The following MRC1 variants were observed in gnomAD, a reference collection of about 807,000 sequenced individuals.
The protein encoded by MRC1 is macrophage mannose receptor 1.
In MRC1, 62 loss-of-function variants were observed where a neutral mutation model predicts 102.9. That is an observed-to-expected ratio of 0.60 (90% confidence interval 0.49 to 0.74). The LOEUF (loss-of-function observed/expected upper bound fraction) is 0.74. Among genes scored for constraint, MRC1 ranks in the 30% least tolerant of loss-of-function variants. The pLI is 0.00. For missense variants in MRC1, 1,237 were observed against 862.8 expected (o/e 1.43, Z -5.43); for synonymous variants, 457 against 298.4 (o/e 1.53, Z -5.48).
At chr10:17,891,285 T>C (rs1012350611) in intron 22 of MRC1, among the ~76,000 whole-genome samples, 1 of 151,484 alleles carries the variant, frequency 6.6e-6, no homozygotes, top group South Asian at 2.1e-4. Context: ...TCCTGCCTCA[T>C]CCTCCCGAGT....
intron 3 of MRC1, among the ~76,000 whole-genome samples, 177 bp downstream of exon 3, chr10:17,827,892 T>A (rs1165918974): frequency 6.6e-6 from 1 of 152,106 alleles, no homozygotes; most frequent in Non-Finnish European, 1.5e-5. Context: ...GAGAAAATGA[T>A]CTATATTGGC....
chr10:17,864,719 C>T (rs1263573342), intron 11 of MRC1, among the ~76,000 whole-genome samples: 3 of 150,668 alleles, frequency 2.0e-5, no homozygotes, highest in Non-Finnish European at 4.4e-5. Flanking sequence ...ATCCCAGCTA[C>T]TTGGGAGGCT....
Position 17,827,725 on chromosome 10 carries a change from G to T in MRC1, c.637+10G>T. 1 of 780,640 alleles carries T rather than the reference G, an allele frequency of 1.3e-6. No individual in the cohort carries two copies. The highest frequency in any genetic ancestry group is 2.4e-6 in the Non-Finnish European group (1 of 417,770). 48.4% of individuals were successfully genotyped at this position (780,640 alleles called of 1,614,324 possible). ...TATTGTCCATTGAAATGTAAGTACT[G>T]TTTATCACCAAGAAAAGTTGGGCAC... On this transcript the variant is annotated intron_variant, in intron 3 of 29. Transcript: ENST00000569591.
chr10:17,822,010 G>A (rs1554838300), intron 1 of MRC1, among the ~76,000 whole-genome samples: 2 of 151,952 alleles, frequency 1.3e-5, no homozygotes, highest in African/African-American at 4.8e-5. Context: ...AGAAAAAAGA[G>A]AAAGCTTTAC....
At position 17,853,055 on chromosome 10, in the gene MRC1, C is replaced by A; in HGVS notation, c.1338C>A (p.Thr446=). 3 of 780,708 alleles carry A rather than the reference C, an allele frequency of 3.8e-6. No homozygotes were observed. The South Asian group carries it at 4.0e-5, about 10-fold the overall frequency. 48.4% of individuals were successfully genotyped at this position (780,708 alleles called of 1,614,324 possible). ...EWSDGTPVTF[T]KWLRGEPSHE... ...GTGATGGGACCCCTGTAACGTTTAC[C>A]AAATGGCTTCGTGGAGAACCAAGCC... The change falls in exon 8 of 30, where the codon ACC becomes ACA. Residue 446 remains threonine (T), a synonymous_variant. Coordinates refer to ENST00000569591, the MANE Select transcript of MRC1 (RefSeq NM_002438.4).
intron 21 of MRC1, 98 bp downstream of exon 21, chr10:17,881,279 C>G: frequency 1.4e-6 from 1 of 730,506 alleles, no homozygotes; most frequent in Non-Finnish European, 2.5e-6. Context: ...TTTTGGTTTT[C>G]CAGTGTAAAA....
chr10:17,865,555 T>C (rs1554841434), intron 11 of MRC1: 1 of 152,404 alleles, frequency 6.6e-6, no homozygotes, highest in South Asian at 2.1e-4. Flanking sequence ...TGGTATATCC[T>C]TGATGGAAGG....
chr10:17,895,599 T>C (rs1431981476), intron 23 of MRC1, among the ~76,000 whole-genome samples: 1 of 152,208 alleles, frequency 6.6e-6, no homozygotes, highest in Non-Finnish European at 1.5e-5. Context: ...TCTTTTTTCA[T>C]CTTAGGAAGC....
chr10:17,874,664 A>C lies in MRC1; in HGVS notation c.2387-426A>C, dbSNP rs1048429495. Among the ~76,000 whole-genome samples the C allele has an allele frequency of 7.1e-3, 1,075 of 151,664 alleles. 6 individuals carry two copies. Among genetic ancestry groups the C allele is most frequent in the Non-Finnish European group, 0.011 (766 of 67,942 alleles). ...ACGTGAATTCCTTGCTTCTACCCTGAAGCACCCAAGTGCATCTATTCGAAG... is the reference window on the plus strand; with the variant it reads ...ACGTGAATTCCTTGCTTCTACCCTGCAGCACCCAAGTGCATCTATTCGAAG... On this transcript the variant is annotated intron_variant, in intron 16 of 29. Coordinates refer to ENST00000569591, the MANE Select transcript of MRC1 (RefSeq NM_002438.4).
chr10:17,910,360 C>T lies in MRC1; in HGVS notation c.4266C>T (p.Gly1422=), dbSNP rs1258371791. The T allele has an allele frequency of 7.7e-6, 6 of 780,576 alleles. No homozygotes were observed. The highest frequency in any genetic ancestry group is 2.7e-5 in the South Asian group (2 of 74,612). The allele number at this position is 780,576 out of a possible 1,614,324, so 48.4% of individuals were successfully genotyped here. A position where few individuals can be genotyped will look rare whatever the true frequency, so the allele number is the denominator to read the frequency against. The change falls in exon 30 of 30, where the codon GGC becomes GGT. Residue 1422 remains glycine, a synonymous_variant. Coordinates refer to ENST00000569591, the MANE Select transcript of MRC1 (RefSeq NM_002438.4). ...KKRRVHLPQE[G]AFENTLYFNS... is the part of the protein sequence containing the mutation. ...GACGTGTGCACCTACCTCAAGAGGG[C>T]GCCTTTGAAAACACTCTGTATTTTA...
intron 5 of MRC1, among the ~76,000 whole-genome samples, chr10:17,841,023 A>T (rs985431965): frequency 1.1e-4 from 17 of 152,228 alleles, no homozygotes; most frequent in African/African-American, 3.9e-4. Flanking sequence ...GTCTGCCAGG[A>T]TTCTCACACA....
chr10:17,815,153 C>T (rs1485214468), intron 1 of MRC1, among the ~76,000 whole-genome samples: 6 of 152,126 alleles, frequency 3.9e-5, no homozygotes, highest in Non-Finnish European at 7.3e-5. Context: ...TTCATTCTCA[C>T]GACAATGAGG....
At chr10:17,819,911 C>G (rs1212782069) in intron 1 of MRC1, among the ~76,000 whole-genome samples, 2 of 152,178 alleles carry the variant, frequency 1.3e-5, no homozygotes, top group East Asian at 1.9e-4. Flanking sequence ...CACTACTGCA[C>G]TCCAGCTTGG....
At chr10:17,874,262 C>T (rs1293397155) in intron 16 of MRC1, among the ~76,000 whole-genome samples, 1 of 152,146 alleles carries the variant, frequency 6.6e-6, no homozygotes, top group Non-Finnish European at 1.5e-5. Context: ...ATTCTCTTTC[C>T]TTGCCTTTTC....
chr10:17,882,758 A>G (rs1224246610), intron 21 of MRC1, among the ~76,000 whole-genome samples: 1 of 152,064 alleles, frequency 6.6e-6, no homozygotes, highest in African/African-American at 2.4e-5. Context: ...AAAAGGGTCA[A>G]ACCAAAGCAC....
chr10:17,878,219 T>C (rs1289631520), intron 18 of MRC1, among the ~76,000 whole-genome samples: 1 of 152,240 alleles, frequency 6.6e-6, no homozygotes, highest in Non-Finnish European at 1.5e-5. Flanking sequence ...TCAGATGTCA[T>C]CATCTGTCAG....
chr10:17,825,205 A>G (rs2130595197), intron 2 of MRC1, among the ~76,000 whole-genome samples: 1 of 152,288 alleles, frequency 6.6e-6, no homozygotes, highest in African/African-American at 2.4e-5. Flanking sequence ...GGGTCTCTGT[A>G]TCTCTGATGA....
chr10:17,853,364 C>T (rs998696898), intron 8 of MRC1, among the ~76,000 whole-genome samples: 13 of 151,950 alleles, frequency 8.6e-5, no homozygotes, highest in Non-Finnish European at 1.9e-4. Context: ...GGATGAAATT[C>T]GCCTGTAATG....
chr10:17,811,369 G>C (rs1252735317), intron 1 of MRC1, among the ~76,000 whole-genome samples: 1 of 152,014 alleles, frequency 6.6e-6, no homozygotes, highest in Non-Finnish European at 1.5e-5. Context: ...AGTGTTTCTC[G>C]GTTTGCTCAG....
Sources: gnomAD v4.1 joint callset for allele counts (sites outside exome capture counted in the v4.1 genomes callset) on GRCh38, gnomAD v4.1.1 for gene constraint, MANE v1.5 for transcripts, NCBI Gene and HGNC (gene_info 2026-07-23, HGNC 2026-07-21) for gene names.